Variants in TMC4 observed in about 807,000 individuals in gnomAD.
The protein encoded by TMC4 is voltage-gated chloride channel TMC4.
A neutral mutation model predicts 82.0 loss-of-function variants in TMC4; 70 were observed. The ratio of observed to expected loss-of-function variants is 0.85; its 90% CI spans 0.70 to 1.04. The LOEUF is 1.04. TMC4 is among the 50% of genes least tolerant of loss of function. The probability of loss-of-function intolerance (pLI) is 0.00; values close to 1 mark genes in which losing one functional copy is unlikely to be tolerated. For synonymous variants in TMC4, 446 were observed against 406.0 expected, an observed-to-expected ratio of 1.10 and a Z score of -1.18; for missense variants, 879 against 899.0, an observed-to-expected ratio of 0.98 and a Z score of 0.28.
At position 54,165,745 on chromosome 19, in the gene TMC4, G is replaced by A. The variant is rs76247191; in HGVS notation, c.798-179C>T. Among the ~76,000 whole-genome samples, 187 of 152,278 alleles carry A rather than the reference G, an allele frequency of 1.2e-3. 1 individual carries two copies. Among genetic ancestry groups the A allele is most frequent in the African/African-American group, 4.3e-3 (177 of 41,568 alleles). ...AGAGGCGGAGACACAGTCATTGAAG[G>A]CAAAGTCCAAGGGAGATTCAGAGAC... On this transcript the variant is annotated intron_variant, in intron 5 of 14. Transcript: ENST00000619895.
At position 54,171,877 on chromosome 19, in the gene TMC4, C is replaced by T. The variant is rs2075900047; in HGVS notation, c.286G>A (p.Ala96Thr). The T allele has an allele frequency of 5.0e-6, 8 of 1,600,508 alleles. No individual in the cohort carries two copies. The South Asian group carries it at 9.0e-5, about 18-fold the overall frequency. ...CTGGAGGTGGGGCCTCACCTGTGTG[C>T]CCGTCTGGCCTGCATGGGCCAGGGC... ...ELPWPMQARR[A>T]HRQRNASRDQ... Residue 96 changes from alanine to threonine, a missense_variant, in exon 2 of 15, where the codon GCA becomes ACA. By Grantham distance (58) the Ala-to-Thr change is moderately conservative (BLOSUM62 0). Coordinates refer to ENST00000619895, the MANE Select transcript of TMC4 (RefSeq NM_144686.4).
chr19:54,172,724 T>C, intron 1 of TMC4: 1 of 328,776 alleles, frequency 3.0e-6, no homozygotes, highest in East Asian at 6.1e-5. Context: ...TCCAGGGCAG[T>C]GGAGTCCAGG....
In TMC4 at chr19:54,168,334, C is replaced by A. The variant is rs550331805; in HGVS notation, c.676-42G>T. On this transcript the variant is annotated intron_variant, in intron 4 of 14. Coordinates refer to ENST00000619895, the MANE Select transcript of TMC4 (RefSeq NM_144686.4). ...GCGCAGGGGCCACTGTGGGAGGAGGCGGGGCTCCTGGAGCTGCACAGTCAG... is the reference window on the plus strand; with the variant it reads ...GCGCAGGGGCCACTGTGGGAGGAGGAGGGGCTCCTGGAGCTGCACAGTCAG... 1.1e-4 allele frequency: 164 copies of A among 1,540,748 alleles called. No homozygotes were observed. In the African/African-American group the frequency reaches 1.8e-3, roughly 17 times the overall value.
At chr19:54,171,796 G>A in intron 2 of TMC4, 74 bp downstream of exon 2, 1 of 1,374,502 alleles carries the variant, frequency 7.3e-7, no homozygotes, top group African/African-American at 1.5e-5. Context: ...GACAGAGGGA[G>A]GAGACCGAGT....
chr19:54,167,588 C>T (rs1453077301), intron 5 of TMC4, among the ~76,000 whole-genome samples: 1 of 148,826 alleles, frequency 6.7e-6, no homozygotes, highest in African/African-American at 2.5e-5. Context: ...AAATGAAAAA[C>T]AAAAACAAAT....
At chr19:54,162,627 C>G in intron 10 of TMC4, 46 bp downstream of exon 10, 1 of 1,472,442 alleles carries the variant, frequency 6.8e-7, no homozygotes, top group Non-Finnish European at 9.5e-7. Flanking sequence ...TGGGGCACGG[C>G]CTCGTCCTAG....
chr19:54,168,367 G>T, intron 4 of TMC4, 75 bp from the exon 5 acceptor site: 1 of 1,525,780 alleles, frequency 6.6e-7, no homozygotes, highest in Non-Finnish European at 8.8e-7. Context: ...CAGGGTCTGG[G>T]GTCAGGGTTT....
At position 54,162,709 on chromosome 19, in the gene TMC4, A is replaced by G; in HGVS notation, c.1466T>C (p.Val489Ala). The G allele has an allele frequency of 1.2e-6, 2 of 1,614,062 alleles. No homozygotes were observed. The highest frequency in any genetic ancestry group is 1.7e-6 in the Non-Finnish European group (2 of 1,179,976). ...CTGGATGAGCAGCGCGACTGCCAAG[A>G]CAGTCAGCAGATCAAAGAGCAGAAG... is the stretch of plus-strand genomic sequence containing the variant. Reference protein sequence around the residue: ...YKLLLFDLLTVLAVALLIQFP... With the variant: ...YKLLLFDLLTALAVALLIQFP... Residue 489 changes from valine (V) to alanine (A), a missense_variant, in exon 10 of 15, where the codon GTC becomes GCC. Physicochemically the swap from Val to Ala is moderately conservative, Grantham distance 64 (BLOSUM62 0). Coordinates refer to ENST00000619895, the MANE Select transcript of TMC4 (RefSeq NM_144686.4).
intron 6 of TMC4, chr19:54,164,837 A>G: frequency 3.4e-6 from 2 of 587,772 alleles, no homozygotes; most frequent in South Asian, 2.1e-5. Context: ...TCCGCGGTCA[A>G]TCTCAGCACC....
chr19:54,161,071 A>C, intron 12 of TMC4, 38 bp from the exon 13 acceptor site: 1 of 1,612,108 alleles, frequency 6.2e-7, no homozygotes, highest in Non-Finnish European at 8.5e-7. Context: ...TAGTGCCAGG[A>C]GTCTGAACAC....
At chr19:54,168,803 T>TTTC (rs1568744083) in intron 3 of TMC4, 123 bp from the exon 4 acceptor site, 2 of 59,904 alleles carry the variant, frequency 3.3e-5, no homozygotes, top group African/African-American at 5.9e-4. Flanking sequence ...CTTTCTTTTC[T>TTTC]TTTCTTTTCT....
intron 3 of TMC4, among the ~76,000 whole-genome samples, chr19:54,168,887 C>CTTTTCTTTTCT (rs1170983259): frequency 2.7e-4 from 6 of 22,546 alleles, no homozygotes; most frequent in Non-Finnish European, 4.4e-4. Flanking sequence ...CTTTTCTTTT[C>CTTTTCTTTTCT]TTTCTTTCCT....
chr19:54,160,999 C>T lies in TMC4; in HGVS notation c.1852G>A (p.Gly618Arg). ...ATCTGGGCCCAGATGGACGACTGCCCCCGGAATGGACCACACAGCTTAGAA... is the reference window on the plus strand; with the variant it reads ...ATCTGGGCCCAGATGGACGACTGCCTCCGGAATGGACCACACAGCTTAGAA... Reference protein sequence around the residue: ...PPSKLCGPFRGQSSIWAQIPE... With the variant: ...PPSKLCGPFRRQSSIWAQIPE... The change falls in exon 13 of 15, where the codon GGG becomes AGG. Residue 618 changes from glycine to arginine, a missense_variant. Physicochemically the swap from Gly to Arg is moderately radical, Grantham distance 125 (BLOSUM62 -2). Coordinates refer to ENST00000619895, the MANE Select transcript of TMC4 (RefSeq NM_144686.4). 6.2e-7 allele frequency: 1 copy of T among 1,614,120 alleles called. No individual in the cohort carries two copies. Among genetic ancestry groups the T allele is most frequent in the Non-Finnish European group, 8.5e-7 (1 of 1,180,012 alleles).
Position 54,160,532 on chromosome 19 carries a change from A to T in TMC4, c.1987T>A (p.Tyr663Asn), listed in dbSNP as rs775857830. ...TAGGAGTTAGCCAGAGCCACAGTGT[A>T]CGCCATCAGGATGCTGAAGGAGACA... ...LLLISSILMA[Y>N]TVALANSYGR... Residue 663 changes from tyrosine (Y) to asparagine (N), a missense_variant, in exon 14 of 15, where the codon TAC becomes AAC. Physicochemically the swap from Tyr to Asn is moderately radical, Grantham distance 143 (BLOSUM62 -2). Transcript: ENST00000619895. The T allele has an allele frequency of 1.1e-5, 17 of 1,614,102 alleles. No homozygotes were observed. In the Admixed American group the frequency reaches 2.8e-4, roughly 27 times the overall value.
Position 54,163,166 on chromosome 19 carries a change from G to T in TMC4, c.1278-7C>A, listed in dbSNP as rs751656634. On this transcript the variant is annotated splice_region_variant and splice_polypyrimidine_tract_variant and intron_variant, in intron 8 of 14. Coordinates refer to ENST00000619895, the MANE Select transcript of TMC4 (RefSeq NM_144686.4). ...GAGGCGAAGAAACACGGTCCTGAAG[G>T]GGGGAAGGCAGAGAATGGGCCCTGA... 1 of 1,613,692 alleles carries T rather than the reference G, an allele frequency of 6.2e-7. No individual in the cohort carries two copies.
At chr19:54,161,312 C>T in intron 11 of TMC4, 52 bp from the exon 12 acceptor site, 2 of 1,354,824 alleles carry the variant, frequency 1.5e-6, no homozygotes, top group African/African-American at 1.6e-5. Context: ...GAGTCTGTGC[C>T]TCCATTTTTT....
rs775463009 is a variant in TMC4, at chr19:54,163,143, G to A, written c.1294C>T (p.Leu432Phe). The A allele has an allele frequency of 6.2e-7, 1 of 1,613,944 alleles. No individual in the cohort carries two copies. Among genetic ancestry groups the A allele is most frequent in the Non-Finnish European group, 8.5e-7 (1 of 1,180,002 alleles). Residue 432 changes from leucine to phenylalanine, a missense_variant, in exon 9 of 15, where the codon CTC becomes TTC. By Grantham distance (22) the Leu-to-Phe change is conservative. Transcript: ENST00000619895. The stretch of plus-strand genomic sequence containing the variant: ...AAGAGCAGGACCACCAGGGAGGCGA[G>A]GCGAAGAAACACGGTCCTGAAGGGG... Reference protein sequence around the residue: ...FILLRTVFLRLASLVVLLFSL... With the variant: ...FILLRTVFLRFASLVVLLFSL...
At chr19:54,162,885 G>T in intron 9 of TMC4, 115 bp from the exon 10 acceptor site, 3 of 1,514,330 alleles carry the variant, frequency 2.0e-6, no homozygotes, top group East Asian at 4.5e-5. Context: ...TTCTCTGGGG[G>T]TCCTCGTTTT....
intron 2 of TMC4, among the ~76,000 whole-genome samples, chr19:54,169,971 G>A (rs1477397915): frequency 6.6e-6 from 1 of 151,890 alleles, no homozygotes; most frequent in Non-Finnish European, 1.5e-5. Flanking sequence ...CCTGGTGGCG[G>A]GTGCCTGTAA....
Sources: allele counts gnomAD v4.1 joint callset (sites outside exome capture counted in the v4.1 genomes callset), GRCh38; gene constraint gnomAD v4.1.1; transcripts MANE v1.5; gene names NCBI Gene and HGNC (gene_info 2026-07-23, HGNC 2026-07-21).